NDST1: variants seen among roughly 807,000 people sequenced by gnomAD.
NDST1 encodes the protein N-deacetylase and N-sulfotransferase 1.
In NDST1, 35 loss-of-function variants were observed where a neutral mutation model predicts 92.8. That is an observed-to-expected ratio of 0.38 (90% CI 0.29 to 0.50). The LOEUF (loss-of-function observed/expected upper bound fraction) is 0.50. Ranked by LOEUF, NDST1 falls within the 20% of genes least tolerant of loss-of-function variation. The pLI is 0.94. For missense variants in NDST1, 822 were observed against 1,182.7 expected, an observed-to-expected ratio of 0.69 and a Z score of 4.47; for synonymous variants, 493 against 500.3, an observed-to-expected ratio of 0.99 and a Z score of 0.19.
intron 1 of NDST1, among the ~76,000 whole-genome samples, chr5:150,508,621 C>A (rs773069981): frequency 3.3e-5 from 5 of 152,048 alleles, no homozygotes; most frequent in Non-Finnish European, 7.4e-5. Flanking sequence ...TTCAGGGCCA[C>A]GGGGGAAGCT....
chr5:150,545,135 A>G (rs985973282), intron 10 of NDST1, among the ~76,000 whole-genome samples, 177 bp from the exon 11 acceptor site: 2 of 152,216 alleles, frequency 1.3e-5, no homozygotes, highest in African/African-American at 4.8e-5. Flanking sequence ...GGAGGCTGCC[A>G]AGAGGCCATT....
At chr5:150,545,213 T>C (rs1755428028) in intron 10 of NDST1, 99 bp from the exon 11 acceptor site, 1 of 1,404,070 alleles carries the variant, frequency 7.1e-7, no homozygotes, top group Non-Finnish European at 1.0e-6. Context: ...ACTTGCTCTC[T>C]GAGGACATTC....
chr5:150,535,495 C>G (rs1401266221), intron 5 of NDST1: 1 of 763,058 alleles, frequency 1.3e-6, no homozygotes, highest in Non-Finnish European at 1.6e-6. Flanking sequence ...GGGTTCTAAT[C>G]CCAGCTCTGC....
At chr5:150,498,979 C>T (rs1388720659) in intron 1 of NDST1, among the ~76,000 whole-genome samples, 2 of 152,174 alleles carry the variant, frequency 1.3e-5, no homozygotes, top group South Asian at 2.1e-4. Context: ...TAGAGGTACA[C>T]CCCACTCCCT....
chr5:150,545,704 G>A (rs1320862205), intron 11 of NDST1, among the ~76,000 whole-genome samples: 1 of 152,256 alleles, frequency 6.6e-6, no homozygotes, highest in Non-Finnish European at 1.5e-5. Flanking sequence ...CACCTGCCTA[G>A]TGTCATGCGG....
In NDST1 at chr5:150,549,670, C is replaced by G; in HGVS notation, c.2317-8C>G. On this transcript the variant is annotated splice_region_variant and splice_polypyrimidine_tract_variant and intron_variant, in intron 12 of 14. Coordinates refer to ENST00000261797, the MANE Select transcript of NDST1 (RefSeq NM_001543.5). ...AAGCAGGTCCCGATCCCCTTTCTCC[C>G]TTTCCAGATTCTGGTCTTGGATGGC... 1 of 1,595,986 alleles carries G rather than the reference C, an allele frequency of 6.3e-7. No homozygotes were observed.
At chr5:150,541,774 C>G in intron 9 of NDST1, 108 bp downstream of exon 9, 1 of 1,007,744 alleles carries the variant, frequency 9.9e-7, no homozygotes, top group Non-Finnish European at 1.5e-6. Context: ...TTTGCTCCCT[C>G]TTTCCCAGGA....
chr5:150,536,917 A>G (rs1311452531), intron 6 of NDST1, among the ~76,000 whole-genome samples: 1 of 152,248 alleles, frequency 6.6e-6, no homozygotes, highest in East Asian at 1.9e-4. Context: ...CACAGAACGG[A>G]GGAAAGTTCC....
upstream of NDST1, chr5:150,507,546 C>G (rs1435310462): frequency 3.3e-5 from 5 of 152,534 alleles, no homozygotes; most frequent in East Asian, 9.6e-4. Context: ...CCCTCCACAC[C>G]TTTGCCGGTC....
In NDST1 at chr5:150,511,118, G is replaced by A. The variant is rs563238008; in HGVS notation, c.-388+2892G>A. On this transcript the variant is annotated intron_variant, in intron 1 of 14. Transcript: ENST00000261797. ...CAGTTTCTCATCCGTATAATGGGGG[G>A]AATCTAGGTCATGGTGCTGTGGTAA... Among the ~76,000 whole-genome samples, 13 of 152,330 alleles carry A rather than the reference G, an allele frequency of 8.5e-5. No individual in the cohort carries two copies. In the South Asian group the frequency reaches 2.7e-3, roughly 32 times the overall value.
At chr5:150,498,590 C>T (rs998168993) in intron 1 of NDST1, among the ~76,000 whole-genome samples, 1 of 152,190 alleles carries the variant, frequency 6.6e-6, no homozygotes, top group African/African-American at 2.4e-5. Flanking sequence ...CCCTCCCTGG[C>T]TTTGTCCTGA....
chr5:150,539,247 G>C lies in NDST1; in HGVS notation c.1457G>C (p.Cys486Ser). The C allele has an allele frequency of 6.2e-7, 1 of 1,613,978 alleles. No individual in the cohort carries two copies. Among genetic ancestry groups the C allele is most frequent in the African/African-American group, 1.3e-5 (1 of 74,962 alleles). The change falls in exon 7 of 15, where the codon TGC becomes TCC. Residue 486 changes from cysteine to serine, a missense_variant. Cys to Ser is a moderately radical substitution (Grantham distance 112). Coordinates refer to ENST00000261797, the MANE Select transcript of NDST1 (RefSeq NM_001543.5). ...NGIMVLPRQT[C>S]GLFTHTIFYN... is the part of the protein sequence containing the mutation. ...CCTCAGGTTCTCCCACGGCAGACCTGCGGCCTCTTCACACACACCATCTTC... is the reference window on the plus strand; with the variant it reads ...CCTCAGGTTCTCCCACGGCAGACCTCCGGCCTCTTCACACACACCATCTTC...
upstream of NDST1, among the ~76,000 whole-genome samples, chr5:150,506,738 T>G (rs1023652922): frequency 6.6e-6 from 1 of 152,064 alleles, no homozygotes; most frequent in African/African-American, 2.4e-5. Flanking sequence ...GTAAGTACTT[T>G]GAGTCCCTTA....
chr5:150,513,441 T>C (rs566151753), intron 1 of NDST1, among the ~76,000 whole-genome samples: 1 of 152,048 alleles, frequency 6.6e-6, no homozygotes, highest in African/African-American at 2.4e-5. Flanking sequence ...AAGGCTGGAG[T>C]GATCCTGGGC....
At chr5:150,535,120 G>T in intron 5 of NDST1, 99 bp downstream of exon 5, 2 of 1,504,768 alleles carry the variant, frequency 1.3e-6, no homozygotes, top group Non-Finnish European at 1.8e-6. Context: ...CTGCTCTGAC[G>T]GATTTTTACT....
intron 10 of NDST1, among the ~76,000 whole-genome samples, chr5:150,544,271 T>C (rs968506222): frequency 4.6e-5 from 7 of 152,258 alleles, no homozygotes; most frequent in African/African-American, 1.7e-4. Context: ...TAGCAAAGTA[T>C]GTGAATATTT....
chr5:150,549,613 G>A lies in NDST1; in HGVS notation c.2317-65G>A, dbSNP rs140900808. ...TATAAGCAGGCCCATTCCTGCTGCC[G>A]TGGCTGTTGCCCTTGTTTGCCACCG... On this transcript the variant is annotated intron_variant, in intron 12 of 14. Coordinates refer to ENST00000261797, the MANE Select transcript of NDST1 (RefSeq NM_001543.5). 4.1e-4 allele frequency: 382 copies of A among 934,654 alleles called. 2 individuals carry two copies. In the African/African-American group the frequency reaches 4.7e-3, roughly 11 times the overall value. The allele number at this position is 934,654 out of a possible 1,614,324, so 57.9% of individuals were successfully genotyped here.
chr5:150,551,604 A>C (rs1366870030), intron 13 of NDST1, 149 bp from the exon 14 acceptor site: 1 of 993,864 alleles, frequency 1.0e-6, no homozygotes. Flanking sequence ...TTGATCCCAC[A>C]GATGGCACAT....
At position 150,528,110 on chromosome 5, in the gene NDST1, G is replaced by A; in HGVS notation, c.820G>A (p.Asp274Asn). The A allele has an allele frequency of 1.2e-6, 2 of 1,613,982 alleles. No homozygotes were observed. Among genetic ancestry groups the A allele is most frequent in the Non-Finnish European group, 1.7e-6 (2 of 1,179,874 alleles). The part of the protein sequence containing the change: ...ATVVQDLGLH[D>N]GIQRVLFGNN... Reference sequence around the variant, plus strand: ...TGTGGTCCAGGACCTGGGCCTGCACGACGGCATCCAGCGCGTGCTGTTTGG... The same window carrying A: ...TGTGGTCCAGGACCTGGGCCTGCACAACGGCATCCAGCGCGTGCTGTTTGG... Residue 274 changes from aspartate (D) to asparagine (N), a missense_variant, in exon 3 of 15, where the codon GAC becomes AAC. Asp to Asn is a conservative substitution (Grantham distance 23, BLOSUM62 1). Coordinates refer to ENST00000261797, the MANE Select transcript of NDST1 (RefSeq NM_001543.5).
Sources: allele counts gnomAD v4.1 joint callset (sites outside exome capture counted in the v4.1 genomes callset), GRCh38; gene constraint gnomAD v4.1.1; transcripts MANE v1.5; gene names NCBI Gene and HGNC (gene_info 2026-07-23, HGNC 2026-07-21).